Variants in MACROD2 observed in about 807,000 individuals in gnomAD.
MACROD2 encodes ADP-ribose glycohydrolase MACROD2.
Under a neutral mutation model 70.4 loss-of-function variants are expected in MACROD2, and 36 were observed. That is an observed-to-expected ratio of 0.51 (90% CI 0.39 to 0.68). MACROD2 has a LOEUF of 0.68. Ranked by LOEUF, MACROD2 falls within the 30% of genes least tolerant of loss-of-function variation. The pLI is 0.00. For synonymous variants in MACROD2, 172 were observed against 178.8 expected, an observed-to-expected ratio of 0.96 and a Z score of 0.30; for missense variants, 496 against 538.4, an observed-to-expected ratio of 0.92 and a Z score of 0.78.
chr20:14,476,824 C>T (rs527697695), intron 3 of MACROD2, among the ~76,000 whole-genome samples: 1 of 152,294 alleles, frequency 6.6e-6, no homozygotes, highest in East Asian at 1.9e-4. Context: ...TTGGTCTAAT[C>T]CTTTCATCCT....
At chr20:14,762,630 T>A (rs1335785780) in intron 5 of MACROD2, among the ~76,000 whole-genome samples, 1 of 152,100 alleles carries the variant, frequency 6.6e-6, no homozygotes, top group Non-Finnish European at 1.5e-5. Context: ...ACTTGGCCTA[T>A]TAAATGACAG....
intron 3 of MACROD2, among the ~76,000 whole-genome samples, chr20:14,172,303 C>CT (rs142877520): frequency 0.72 from 80,235 of 111,966 alleles, 30,506 homozygotes; most frequent in East Asian, 0.77. Context: ...CATTCCGTAC[C>CT]TTTTTTTTTT....
intron 5 of MACROD2, among the ~76,000 whole-genome samples, chr20:14,955,258 T>G (rs1431760081): frequency 7.2e-6 from 1 of 138,568 alleles, no homozygotes; most frequent in Admixed American, 7.9e-5. Flanking sequence ...ATTTATATAA[T>G]ATAATATAAT....
At chr20:14,831,817 C>G in intron 5 of MACROD2, among the ~76,000 whole-genome samples, 1 of 131,090 alleles carries the variant, frequency 7.6e-6, no homozygotes, top group Admixed American at 7.9e-5. Flanking sequence ...AGCAACAACA[C>G]AAGATATCTG....
At chr20:14,152,785 G>A (rs1301837232) in intron 3 of MACROD2, among the ~76,000 whole-genome samples, 2 of 152,060 alleles carry the variant, frequency 1.3e-5, no homozygotes, top group Non-Finnish European at 2.9e-5. Context: ...ACTGATGCTT[G>A]TATTATGACC....
intron 2 of MACROD2, among the ~76,000 whole-genome samples, chr20:14,070,149 AG>A (rs1481319732): frequency 1.3e-5 from 2 of 152,318 alleles, no homozygotes; most frequent in East Asian, 3.9e-4. Context: ...GCACAGCAAA[AG>A]CTTAGGAGGA....
intron 12 of MACROD2, among the ~76,000 whole-genome samples, chr20:15,943,261 T>G (rs533007423): frequency 1.7e-4 from 26 of 152,318 alleles, no homozygotes; most frequent in African/African-American, 6.3e-4. Flanking sequence ...AAAATTGCTC[T>G]GGAAAACGGC....
At chr20:14,475,657 G>T (rs2084584762) in intron 3 of MACROD2, among the ~76,000 whole-genome samples, 1 of 151,740 alleles carries the variant, frequency 6.6e-6, no homozygotes. Flanking sequence ...GGAAAGCTTT[G>T]GTGGATACAG....
intron 6 of MACROD2, among the ~76,000 whole-genome samples, chr20:15,423,861 CTG>C (rs2046262168): frequency 6.6e-6 from 1 of 151,732 alleles, no homozygotes; most frequent in Admixed American, 6.6e-5. Flanking sequence ...TTACTATAGA[CTG>C]TGATTTAAAC....
At chr20:15,194,439 A>G (rs2076592288) in intron 5 of MACROD2, among the ~76,000 whole-genome samples, 1 of 152,012 alleles carries the variant, frequency 6.6e-6, no homozygotes, top group East Asian at 1.9e-4. Flanking sequence ...ATTATTTTTA[A>G]TCTTCTACTT....
intron 9 of MACROD2, among the ~76,000 whole-genome samples, chr20:15,876,111 A>ATG (rs2064667945): frequency 2.2e-5 from 3 of 138,810 alleles, no homozygotes; most frequent in African/African-American, 8.6e-5. Context: ...ATATATATAT[A>ATG]TGTGTGTATT....
chr20:14,690,659 G>C (rs2071052331), intron 5 of MACROD2, among the ~76,000 whole-genome samples: 1 of 152,188 alleles, frequency 6.6e-6, no homozygotes, highest in South Asian at 2.1e-4. Context: ...AGGCATCGTG[G>C]TGGCCAAGGA....
At chr20:14,248,914 G>T (rs1055948000) in intron 3 of MACROD2, among the ~76,000 whole-genome samples, 1 of 151,840 alleles carries the variant, frequency 6.6e-6, no homozygotes, top group African/African-American at 2.4e-5. Flanking sequence ...ATTGTCTCTA[G>T]TTTCATTGGT....
chr20:14,336,334 A>T (rs1202038206), intron 3 of MACROD2, among the ~76,000 whole-genome samples: 2 of 151,964 alleles, frequency 1.3e-5, no homozygotes, highest in African/African-American at 2.4e-5. Context: ...AAAAAAATCA[A>T]TTTTTTTTCT....
chr20:14,419,053 GT>G (rs1568603520), intron 3 of MACROD2, among the ~76,000 whole-genome samples: 5 of 151,094 alleles, frequency 3.3e-5, no homozygotes, highest in Non-Finnish European at 3.0e-5. Flanking sequence ...GATTTTTTTT[GT>G]TTTGTTTTTT....
At chr20:15,675,365 G>C (rs2050042134) in intron 8 of MACROD2, among the ~76,000 whole-genome samples, 1 of 152,110 alleles carries the variant, frequency 6.6e-6, no homozygotes, top group African/African-American at 2.4e-5. Context: ...CTACATTGCT[G>C]ACAGCCTCCC....
At chr20:14,555,758 C>G (rs977681106) in intron 4 of MACROD2, among the ~76,000 whole-genome samples, 6 of 152,056 alleles carry the variant, frequency 3.9e-5, no homozygotes, top group African/African-American at 1.2e-4. Context: ...ACGTTGTGCT[C>G]TAGCTTATAC....
intron 4 of MACROD2, among the ~76,000 whole-genome samples, chr20:14,540,325 G>A (rs2085416378): frequency 6.6e-6 from 1 of 152,128 alleles, no homozygotes; most frequent in Non-Finnish European, 1.5e-5. Context: ...AAGTGTTTAT[G>A]TCAAGGCAAG....
rs558308632 is a variant in MACROD2 at position 14,093,991 on chromosome 20, A to T, written c.271+8263A>T. 7.8e-4 allele frequency among the ~76,000 whole-genome samples: 118 copies of T among 151,358 alleles called. 1 individual carries two copies. The East Asian group carries it at 9.7e-3, about 12-fold the overall frequency. On this transcript the variant is annotated intron_variant, in intron 3 of 17. Transcript: ENST00000684519. Reference sequence around the variant, plus strand: ...TTGAGGGCTGAGGTTTTTTTTTTTAAAATTTTTTTTTTATTTTTTAGAAGA... The same window carrying T: ...TTGAGGGCTGAGGTTTTTTTTTTTATAATTTTTTTTTTATTTTTTAGAAGA...
Sources: allele counts gnomAD v4.1 joint callset (sites outside exome capture counted in the v4.1 genomes callset), GRCh38; gene constraint gnomAD v4.1.1; transcripts MANE v1.5; gene names NCBI Gene and HGNC (gene_info 2026-07-23, HGNC 2026-07-21).